Variants in CAPN6 observed in about 807,000 individuals in gnomAD.
CAPN6 encodes the protein calpain 6, also known as calpain-6.
Under a neutral mutation model 46.0 loss-of-function variants are expected in CAPN6, and 16 were observed. The observed-to-expected ratio is 0.35, with a 90% CI of 0.24 to 0.53. CAPN6 has a LOEUF of 0.53. CAPN6 is among the 20% of genes least tolerant of loss of function. The pLI is 0.94. For missense variants in CAPN6, 461 were observed against 498.0 expected (o/e 0.93, Z 0.71); for synonymous variants, 206 against 172.8 (o/e 1.19, Z -1.51).
rs766189536 is a variant in CAPN6, at chrX:111,250,942, C to T, written c.1133G>A (p.Arg378His). The change falls in exon 8 of 13, where the codon CGT (arginine) becomes CAT (histidine). Residue 378 changes from arginine to histidine, a missense_variant. Arg to His is a conservative substitution (Grantham distance 29). Transcript: ENST00000324068. ...CTGGGGATTCTGCAGGAAGGTATCA[C>T]GGTTGTTATAGCAGCCTCCTGAGCG... is the stretch of plus-strand genomic sequence containing the variant. Reference protein sequence around the residue: ...MNRSGGCYNNRDTFLQNPQYI... With the variant: ...MNRSGGCYNNHDTFLQNPQYI... 1.1e-5 allele frequency: 13 copies of T among 1,210,581 alleles called. No homozygotes were observed. The highest frequency in any genetic ancestry group is 5.3e-5 in the South Asian group (3 of 56,816).
chrX:111,267,949 G>C (rs1195470680), intron 1 of CAPN6, among the ~76,000 whole-genome samples: 1 of 112,408 alleles, frequency 8.9e-6, no homozygotes, highest in African/African-American at 3.2e-5. Flanking sequence ...TGAGAGAAAA[G>C]GGACTTGGAT....
At chrX:111,254,976 T>C (rs951906176) in intron 2 of CAPN6, among the ~76,000 whole-genome samples, 3 of 111,547 alleles carry the variant, frequency 2.7e-5, no homozygotes, top group Non-Finnish European at 5.7e-5. Flanking sequence ...CATTTGTGGA[T>C]GAATATAGAT....
rs760563239 is a variant in CAPN6, at chrX:111,263,923, A to G, written c.14T>C (p.Leu5Pro). 4.2e-6 allele frequency: 5 copies of G among 1,200,703 alleles called. No homozygotes were observed. The African/African-American group carries it at 7.0e-5, about 17-fold the overall frequency. ...GTATTTCTGGTTTTTGAAGAGCTTC[A>G]GAGGAGGACCCATAGTGTTGAACTA... MGPP[L>P]KLFKNQKYQE... The change falls in exon 2 of 13, where the codon CTG (leucine) becomes CCG (proline). Residue 5 changes from leucine to proline, a missense_variant. Leu to Pro is a moderately conservative substitution (Grantham distance 98). Transcript: ENST00000324068.
At position 111,247,879 on chromosome X, in the gene CAPN6, G is replaced by T; in HGVS notation, c.1598C>A (p.Ala533Asp). ...ATTCCTGCCATTCTTACTTTCATTG[G>T]CATACTTCTTCTCCAGGTCCTCAGC... ...HSAEDLEKKY[A>D]NETVNPYLVI... The change falls in exon 11 of 13, where the codon GCC becomes GAC. Residue 533 changes from alanine to aspartate, a missense_variant. Transcript: ENST00000324068. 2.5e-6 allele frequency: 3 copies of T among 1,208,434 alleles called. No individual in the cohort carries two copies. The highest frequency in any genetic ancestry group is 1.8e-5 in the South Asian group (1 of 56,200).
chrX:111,263,784 C>T lies in CAPN6; in HGVS notation c.153G>A (p.Trp51Ter), dbSNP rs375616721. 1.7e-6 allele frequency: 2 copies of T among 1,206,151 alleles called. No homozygotes were observed. The highest frequency in any genetic ancestry group is 2.2e-6 in the Non-Finnish European group (2 of 892,979). The change falls in exon 2 of 13, where the codon TGG becomes TGA. Residue 51 changes from tryptophan to a stop codon, truncating the protein, a stop_gained. Transcript: ENST00000324068. LOFTEE classifies it high-confidence loss of function. Reference protein sequence around the residue: ...YNRLLPGKVVWKRPQDICDDP... With the variant: ...YNRLLPGKVV ...AATAGAAAGTTACCTGGGGACGTTT[C>T]CACACCACCTTTCCAGGAAGCAGTC...
intron 1 of CAPN6, among the ~76,000 whole-genome samples, chrX:111,265,002 C>T (rs1261760786): frequency 8.9e-6 from 1 of 111,789 alleles, no homozygotes; most frequent in African/African-American, 3.3e-5. Context: ...TCAACTATTT[C>T]AAAATGTATT....
At chrX:111,270,313 C>T (rs1349326851) in intron 1 of CAPN6, 58 bp downstream of exon 1, 1 of 273,278 alleles carries the variant, frequency 3.7e-6, no homozygotes, top group Non-Finnish European at 7.2e-6. Flanking sequence ...TTCTTAGACG[C>T]TAAGTTATCC....
At chrX:111,268,100 T>C (rs780523588) in intron 1 of CAPN6, among the ~76,000 whole-genome samples, 16 of 111,729 alleles carry the variant, frequency 1.4e-4, no homozygotes, top group South Asian at 7.7e-4. Flanking sequence ...AGATTCAAAC[T>C]TCTAACCAGA....
chrX:111,246,285 T>A lies in CAPN6; in HGVS notation c.*292A>T. On this transcript the variant is annotated 3_prime_UTR_variant, in exon 13 of 13. Coordinates refer to ENST00000324068, the MANE Select transcript of CAPN6 (RefSeq NM_014289.4). ...CTGTAGGGTGTCCAGCCTCTTGTTA[T>A]TGTCCTACTTGAATCTCACCCCCGG... 1 of 303,795 alleles carries A rather than the reference T, an allele frequency of 3.3e-6. No homozygotes were observed. 25.0% of individuals were successfully genotyped at this position (303,795 alleles called of 1,213,427 possible).
intron 2 of CAPN6, among the ~76,000 whole-genome samples, chrX:111,255,845 C>CT (rs758497254): frequency 2.7e-5 from 3 of 109,785 alleles, no homozygotes; most frequent in Non-Finnish European, 3.8e-5. Flanking sequence ...ATTCTCAGGT[C>CT]TTTTTTTTTA....
In CAPN6 at chrX:111,250,817, A is replaced by T. The variant is rs1451822298; in HGVS notation, c.1158+100T>A. On this transcript the variant is annotated intron_variant, in intron 8 of 12. Coordinates refer to ENST00000324068, the MANE Select transcript of CAPN6 (RefSeq NM_014289.4). ...AATATTACACAATAGCTGCAAAAGG[A>T]AGATTTGATGCTAAAGAAATACTCC... The T allele has an allele frequency of 3.8e-6, 3 of 783,722 alleles. No homozygotes were observed. In the East Asian group the frequency reaches 9.5e-5, roughly 25 times the overall value. 64.6% of individuals were successfully genotyped at this position (783,722 alleles called of 1,213,427 possible).
intron 8 of CAPN6, among the ~76,000 whole-genome samples, chrX:111,249,621 G>A (rs887636565): frequency 9.1e-6 from 1 of 110,384 alleles, no homozygotes; most frequent in Admixed American, 9.8e-5. Context: ...GGTGCTATTA[G>A]GAGATAAAAC....
Position 111,254,281 on chromosome X carries a change from A to G in CAPN6, c.288T>C (p.His96=), listed in dbSNP as rs138523401. 268 of 1,206,017 alleles carry G rather than the reference A, an allele frequency of 2.2e-4. No individual in the cohort carries two copies. In the South Asian group the frequency reaches 3.8e-3, roughly 17 times the overall value. ...ACAGGAGGGATAATACCTTTGTCCA[A>G]TGAGACTCCTGAACAGCCAAACAGG... ...AFSCLAVQES[H]WTKTIPNHKE... Residue 96 remains histidine, a synonymous_variant, in exon 3 of 13, where the codon CAT becomes CAC. Transcript: ENST00000324068.
chrX:111,252,204 G>A, intron 5 of CAPN6, 103 bp downstream of exon 5: 1 of 651,402 alleles, frequency 1.5e-6, no homozygotes, highest in Non-Finnish European at 2.3e-6. Flanking sequence ...CCCATTAATA[G>A]TTTTTCATGG....
chrX:111,252,922 G>T, intron 4 of CAPN6, 86 bp downstream of exon 4: 1 of 791,827 alleles, frequency 1.3e-6, no homozygotes, highest in Non-Finnish European at 1.9e-6. Context: ...CCAGGGTTGG[G>T]CTGGGAGAGA....
At position 111,248,559 on chromosome X, in the gene CAPN6, G is replaced by A. The variant is rs760680053; in HGVS notation, c.1484+10C>T. The A allele has an allele frequency of 1.7e-6, 2 of 1,198,471 alleles. No individual in the cohort carries two copies. Among genetic ancestry groups the A allele is most frequent in the East Asian group, 3.0e-5 (1 of 33,790 alleles). ...AACAGGGGTTTGAGGGCTTGCGAAG[G>A]AAACTGAACCTGAGCTGGACAGGCA... is the stretch of plus-strand genomic sequence containing the variant. On this transcript the variant is annotated intron_variant, in intron 10 of 12. Transcript: ENST00000324068.
intron 2 of CAPN6, among the ~76,000 whole-genome samples, chrX:111,261,318 T>C (rs775922638): frequency 1.8e-5 from 2 of 112,751 alleles, no homozygotes; most frequent in Non-Finnish European, 1.9e-5. Flanking sequence ...TATAAAGATA[T>C]ATAATGGGCA....
In CAPN6 at chrX:111,253,189, A is replaced by G; in HGVS notation, c.325T>C (p.Trp109Arg). The G allele has an allele frequency of 1.7e-6, 2 of 1,208,865 alleles. No homozygotes were observed. The highest frequency in any genetic ancestry group is 1.1e-6 in the Non-Finnish European group (1 of 892,746). The change falls in exon 4 of 13, where the codon TGG becomes CGG. Residue 109 changes from tryptophan to arginine, a missense_variant. By Grantham distance (101) the Trp-to-Arg change is moderately radical. Coordinates refer to ENST00000324068, the MANE Select transcript of CAPN6 (RefSeq NM_014289.4). ...KTIPNHKEQEWDPQKTEKYAG... is the reference protein window; with the variant it reads ...KTIPNHKEQERDPQKTEKYAG... ...TATTTTTCTGTTTTTTGAGGGTCCC[A>G]TTCCTGTTCCTTATGGTTGGGAATT...
chrX:111,262,190 G>A (rs761141547), intron 2 of CAPN6, among the ~76,000 whole-genome samples: 9 of 112,094 alleles, frequency 8.0e-5, no homozygotes, highest in East Asian at 2.8e-4. Context: ...TAAGTGATCC[G>A]CTGGAATGTC....
Sources: allele counts gnomAD v4.1 joint callset (sites outside exome capture counted in the v4.1 genomes callset), GRCh38; gene constraint gnomAD v4.1.1; transcripts MANE v1.5; gene names NCBI Gene and HGNC (gene_info 2026-07-23, HGNC 2026-07-21).